The following UNC80 variants were observed in gnomAD, a reference collection of about 807,000 sequenced individuals.
UNC80 encodes unc-80 subunit of NALCN channel complex.
UNC80 carries 164 observed loss-of-function variants against 384.6 expected under a neutral mutation model. The ratio of observed to expected loss-of-function variants is 0.43; its 90% confidence interval spans 0.38 to 0.49. UNC80 has a LOEUF of 0.49. UNC80 is among the 20% of genes least tolerant of loss of function. UNC80 has a pLI of 0.00. For synonymous variants in UNC80, 1,486 were observed against 1,527.8 expected, an observed-to-expected ratio of 0.97 and a Z score of 0.64; for missense variants, 3,330 against 4,143.0, an observed-to-expected ratio of 0.80 and a Z score of 5.39.
chr2:209,822,401 A>T (rs1489412239), intron 13 of UNC80, among the ~76,000 whole-genome samples: 1 of 152,204 alleles, frequency 6.6e-6, no homozygotes, highest in Non-Finnish European at 1.5e-5. Flanking sequence ...TTACTTAGGA[A>T]TTAACAAACA....
At chr2:209,835,304 G>A (rs546650558) in intron 18 of UNC80, among the ~76,000 whole-genome samples, 1 of 152,160 alleles carries the variant, frequency 6.6e-6, no homozygotes, top group African/African-American at 2.4e-5. Context: ...TATATACCAG[G>A]TGGGCTGGGA....
At chr2:209,970,029 A>AAAT in intron 53 of UNC80, 138 bp downstream of exon 53, 2 of 1,095,622 alleles carry the variant, frequency 1.8e-6, no homozygotes, top group East Asian at 5.2e-5. Flanking sequence ...GTGACACTGA[A>AAAT]AATAGTGAGG....
intron 22 of UNC80, among the ~76,000 whole-genome samples, chr2:209,859,275 G>A (rs1185636942): frequency 6.6e-6 from 1 of 152,162 alleles, no homozygotes; most frequent in Non-Finnish European, 1.5e-5. Context: ...TTATGAGTGA[G>A]AACATGCAGT....
chr2:209,921,713 G>A, intron 34 of UNC80, 27 bp downstream of exon 34: 2 of 1,517,544 alleles, frequency 1.3e-6, no homozygotes, highest in Non-Finnish European at 1.8e-6. Context: ...GGACTTCTTG[G>A]GGGGCTGAGT....
intron 15 of UNC80, 42 bp downstream of exon 15, chr2:209,829,421 A>T (rs1318859865): frequency 6.5e-7 from 1 of 1,547,776 alleles, no homozygotes; most frequent in Non-Finnish European, 8.7e-7. Flanking sequence ...AGTCGTTGTG[A>T]GGTGAATCAG....
chr2:209,956,485 C>G (rs1256875589), intron 48 of UNC80, among the ~76,000 whole-genome samples: 9 of 152,210 alleles, frequency 5.9e-5, no homozygotes, highest in Admixed American at 5.9e-4. Flanking sequence ...AGGCACCACT[C>G]TGCATTGAGA....
At chr2:209,795,710 G>T (rs1371190723) in intron 7 of UNC80, 2 of 152,394 alleles carry the variant, frequency 1.3e-5, no homozygotes, top group Non-Finnish European at 2.9e-5. Context: ...ACTTCAGAGG[G>T]TGGAAGCCCC....
chr2:209,819,446 A>G (rs1574587041), intron 12 of UNC80, among the ~76,000 whole-genome samples, 185 bp downstream of exon 12: 1 of 152,068 alleles, frequency 6.6e-6, no homozygotes, highest in African/African-American at 2.4e-5. Context: ...CTTTTTTTTC[A>G]AGCATTGCAT....
At position 209,970,831 on chromosome 2, in the gene UNC80, G is replaced by A. The variant is rs1469743986; in HGVS notation, c.8131-1G>A. ...GGTCATGTGCTCTGTTTGTATTTCA[G>A]GTGATGGGAGTGGTAGGACCTTCCA... On this transcript the variant is annotated splice_acceptor_variant, in intron 53 of 64. Coordinates refer to ENST00000673920, the MANE Select transcript of UNC80 (RefSeq NM_001371986.1). LOFTEE classifies it high-confidence loss of function. 5 of 1,551,248 alleles carry A rather than the reference G, an allele frequency of 3.2e-6. No homozygotes were observed. Among genetic ancestry groups the A allele is most frequent in the Non-Finnish European group, 4.4e-6 (5 of 1,146,852 alleles).
rs16843968 is a variant in UNC80, at chr2:209,949,265, A to G, written c.7286+3322A>G. Among the ~76,000 whole-genome samples the G allele has an allele frequency of 9.7e-3, 1,485 of 152,310 alleles. 22 individuals are homozygous for G. The highest frequency in any genetic ancestry group is 0.034 in the African/African-American group (1,429 of 41,566). On this transcript the variant is annotated intron_variant, in intron 47 of 64. Transcript: ENST00000673920. ...GTCATTCAAGATAAACCAATTCTGG[A>G]TACTTAAAAAAGTTACAAGTGCTTA...
intron 30 of UNC80, among the ~76,000 whole-genome samples, chr2:209,913,272 C>T (rs1380571081): frequency 6.6e-6 from 1 of 152,082 alleles, no homozygotes; most frequent in Non-Finnish European, 1.5e-5. Flanking sequence ...TGTCTAGAAC[C>T]TATATTTGTC....
At chr2:209,993,468 A>G (rs1256713756) in intron 63 of UNC80, 42 bp downstream of exon 63, 1 of 1,508,578 alleles carries the variant, frequency 6.6e-7, no homozygotes, top group Non-Finnish European at 9.0e-7. Context: ...CATTGACATG[A>G]TGCCATGCAA....
intron 22 of UNC80, among the ~76,000 whole-genome samples, chr2:209,860,809 G>T (rs369864151): frequency 1.3e-5 from 2 of 152,070 alleles, no homozygotes; most frequent in South Asian, 4.1e-4. Context: ...TCTTTGTAGC[G>T]ATTGTGAATT....
Position 209,834,074 on chromosome 2 carries a change from G to T in UNC80, c.2848G>T (p.Ala950Ser), listed in dbSNP as rs1233265797. 1 of 1,551,608 alleles carries T rather than the reference G, an allele frequency of 6.4e-7. No individual in the cohort carries two copies. Among genetic ancestry groups the T allele is most frequent in the Non-Finnish European group, 8.7e-7 (1 of 1,146,982 alleles). The change falls in exon 17 of 65, where the codon GCC (alanine) becomes TCC (serine). Residue 950 changes from alanine (A) to serine (S), a missense_variant. By Grantham distance (99) the Ala-to-Ser change is moderately conservative. This residue lies in a region of UNC80 where 2 missense variants were observed against 16.9 expected (regional missense o/e 0.12). Coordinates refer to ENST00000673920, the MANE Select transcript of UNC80 (RefSeq NM_001371986.1). ...TCATGGGAATGTCTTCAGGAGAGTG[G>T]CCCTCAGCGCTCTGCTTGACAGTGC... is the stretch of plus-strand genomic sequence containing the variant. ...EAHGNVFRRV[A>S]LSALLDSAEK...
intron 29 of UNC80, among the ~76,000 whole-genome samples, chr2:209,908,225 C>A (rs974389140): frequency 6.6e-6 from 1 of 152,140 alleles, no homozygotes. Flanking sequence ...TGAATAAAAT[C>A]GTGTCTTATG....
chr2:209,987,884 T>TA (rs544371921), intron 61 of UNC80, among the ~76,000 whole-genome samples: 1 of 151,766 alleles, frequency 6.6e-6, no homozygotes, highest in Non-Finnish European at 1.5e-5. Flanking sequence ...TAAAAAAAAA[T>TA]AAAAAAACCT....
intron 51 of UNC80, among the ~76,000 whole-genome samples, chr2:209,963,463 G>A (rs1188522440): frequency 6.6e-6 from 1 of 152,220 alleles, no homozygotes; most frequent in Non-Finnish European, 1.5e-5. Context: ...GAGAAATTCA[G>A]GTAGTAATCC....
chr2:209,833,899 C>A, intron 16 of UNC80, 103 bp from the exon 17 acceptor site: 1 of 1,124,744 alleles, frequency 8.9e-7, no homozygotes, highest in Non-Finnish European at 1.3e-6. Context: ...GATTCCAATG[C>A]TCATCTAAGC....
In UNC80 at chr2:209,939,642, T is replaced by C. The variant is rs1358385733; in HGVS notation, c.6636T>C (p.Ser2212=). ...SAIDAEFSLF[S]DPQAGKELFG... Reference sequence around the variant, plus strand: ...TTGATGCTGAGTTTTCACTCTTCAGTGATCCTCAAGGTATCAAACAAAGAA... The same window carrying C: ...TTGATGCTGAGTTTTCACTCTTCAGCGATCCTCAAGGTATCAAACAAAGAA... Residue 2212 remains serine, a synonymous_variant, in exon 43 of 65, where the codon AGT becomes AGC. Coordinates refer to ENST00000673920, the MANE Select transcript of UNC80 (RefSeq NM_001371986.1). 1.5e-5 allele frequency: 24 copies of C among 1,550,210 alleles called. No homozygotes were observed. Among genetic ancestry groups the C allele is most frequent in the Non-Finnish European group, 2.0e-5 (23 of 1,146,090 alleles).
Sources: allele counts gnomAD v4.1 joint callset (sites outside exome capture counted in the v4.1 genomes callset), GRCh38; gene constraint gnomAD v4.1.1; regional missense constraint gnomAD v4.1.1; transcripts MANE v1.5; gene names NCBI Gene and HGNC (gene_info 2026-07-23, HGNC 2026-07-21).